The following NRXN3 variants were observed in gnomAD, a reference collection of about 807,000 sequenced individuals.
The protein encoded by NRXN3 is neurexin III.
In NRXN3, 32 loss-of-function variants were observed where a neutral mutation model predicts 137.6. The observed-to-expected ratio is 0.23, with a 90% CI of 0.18 to 0.31. The LOEUF (loss-of-function observed/expected upper bound fraction) is 0.31. Among genes scored for constraint, NRXN3 ranks in the 10% least tolerant of loss-of-function variants. NRXN3 has a pLI of 1.00. For synonymous variants in NRXN3, 798 were observed against 784.5 expected (o/e 1.02, Z -0.29); for missense variants, 1,574 against 2,062.5 (o/e 0.76, Z 4.59).
chr14:79,025,722 T>G (rs2099596949), intron 15 of NRXN3, among the ~76,000 whole-genome samples: 1 of 152,162 alleles, frequency 6.6e-6, no homozygotes, highest in Non-Finnish European at 1.5e-5. Flanking sequence ...TGGATTATTT[T>G]CTTTGGCGAT....
At chr14:78,468,455 G>A (rs1400180097) in intron 4 of NRXN3, among the ~76,000 whole-genome samples, 1 of 152,132 alleles carries the variant, frequency 6.6e-6, no homozygotes, top group East Asian at 1.9e-4. Flanking sequence ...CCTCCAGCAA[G>A]TTAGCAGAGG....
intron 16 of NRXN3, among the ~76,000 whole-genome samples, chr14:79,548,528 A>G (rs900830099): frequency 6.6e-6 from 1 of 152,094 alleles, no homozygotes; most frequent in Non-Finnish European, 1.5e-5. Flanking sequence ...TAGTAGAATG[A>G]TTTATAATCC....
chr14:78,581,728 T>C (rs1456629038), intron 4 of NRXN3, among the ~76,000 whole-genome samples: 1 of 152,230 alleles, frequency 6.6e-6, no homozygotes, highest in Admixed American at 6.5e-5. Context: ...ACTGCAGTGA[T>C]TTTATGTGCA....
At chr14:78,342,689 A>T (rs2082269363) in intron 4 of NRXN3, among the ~76,000 whole-genome samples, 1 of 152,084 alleles carries the variant, frequency 6.6e-6, no homozygotes, top group Non-Finnish European at 1.5e-5. Context: ...TTGAATTCTT[A>T]ATTACTCATT....
At chr14:78,560,869 C>T (rs2096779970) in intron 4 of NRXN3, among the ~76,000 whole-genome samples, 1 of 152,190 alleles carries the variant, frequency 6.6e-6, no homozygotes, top group Non-Finnish European at 1.5e-5. Flanking sequence ...AATAGAATTG[C>T]TTTTAGGTTT....
At chr14:79,399,589 AATAAT>A (rs1471287721) in intron 15 of NRXN3, among the ~76,000 whole-genome samples, 1 of 152,210 alleles carries the variant, frequency 6.6e-6, no homozygotes, top group Admixed American at 6.6e-5. Flanking sequence ...GAGAAAAAAT[AATAAT>A]ATAAGTGAGT....
At chr14:79,692,751 A>G (rs1206065249) in intron 18 of NRXN3, among the ~76,000 whole-genome samples, 3 of 152,024 alleles carry the variant, frequency 2.0e-5, no homozygotes, top group Non-Finnish European at 4.4e-5. Flanking sequence ...AAACTACTTA[A>G]ATATTGTAAG....
rs187121927 is a variant in NRXN3 at position 79,417,326 on chromosome 14, A to G, written c.3263-49895A>G. On this transcript the variant is annotated intron_variant, in intron 15 of 20. Transcript: ENST00000335750. ...TAAGTTTTTATTAATTAAACCTGCC[A>G]CATATTTCTTCCATTTGCTTCATTG... Among the ~76,000 whole-genome samples, 19 of 152,262 alleles carry G rather than the reference A, an allele frequency of 1.2e-4. No homozygotes were observed. The East Asian group carries it at 2.7e-3, about 22-fold the overall frequency.
At chr14:79,328,527 A>T (rs2091237885) in intron 15 of NRXN3, among the ~76,000 whole-genome samples, 1 of 152,234 alleles carries the variant, frequency 6.6e-6, no homozygotes, top group African/African-American at 2.4e-5. Flanking sequence ...AAGTGCCATG[A>T]GAAGTACTTA....
intron 4 of NRXN3, among the ~76,000 whole-genome samples, chr14:78,329,661 A>G (rs1453016033): frequency 6.6e-6 from 1 of 152,170 alleles, no homozygotes; most frequent in Non-Finnish European, 1.5e-5. Context: ...GCATTAGGCC[A>G]AAAAGAAGGG....
intron 15 of NRXN3, among the ~76,000 whole-genome samples, chr14:79,020,780 T>A (rs1190816208): frequency 6.6e-6 from 1 of 151,856 alleles, no homozygotes; most frequent in African/African-American, 2.4e-5. Flanking sequence ...CTAACCACAT[T>A]GTCCATATTG....
chr14:79,220,234 G>T (rs77982877), intron 15 of NRXN3, among the ~76,000 whole-genome samples: 4,184 of 152,230 alleles, frequency 0.027, 140 homozygotes, highest in South Asian at 0.086. Context: ...GAAAACAGAG[G>T]CTTCCTAGGC....
chr14:78,358,052 G>A (rs1238040477), intron 4 of NRXN3, among the ~76,000 whole-genome samples: 1 of 152,176 alleles, frequency 6.6e-6, no homozygotes, highest in African/African-American at 2.4e-5. Flanking sequence ...GAGAATATAG[G>A]ACAGAAAACA....
chr14:78,428,993 C>T (rs1176324369), intron 4 of NRXN3, among the ~76,000 whole-genome samples: 2 of 152,110 alleles, frequency 1.3e-5, no homozygotes, highest in African/African-American at 4.8e-5. Context: ...AATCATCACA[C>T]CAATCTTATC....
At chr14:78,431,489 G>A (rs1372182242) in intron 4 of NRXN3, among the ~76,000 whole-genome samples, 2 of 152,234 alleles carry the variant, frequency 1.3e-5, no homozygotes, top group African/African-American at 4.8e-5. Context: ...TGACATTTTA[G>A]CTCAGTTTTG....
At chr14:78,986,446 C>A (rs186414015) in intron 14 of NRXN3, among the ~76,000 whole-genome samples, 1 of 151,898 alleles carries the variant, frequency 6.6e-6, no homozygotes, top group East Asian at 1.9e-4. Context: ...AAGTGCCAGG[C>A]GGACCGAAAG....
intron 15 of NRXN3, among the ~76,000 whole-genome samples, chr14:79,053,574 T>C (rs368489923): frequency 6.6e-6 from 1 of 152,198 alleles, no homozygotes; most frequent in African/African-American, 2.4e-5. Context: ...AGAGTGTGCG[T>C]GTGTATTTTG....
intron 15 of NRXN3, among the ~76,000 whole-genome samples, chr14:79,286,411 G>T (rs764472077): frequency 1.3e-5 from 2 of 151,630 alleles, no homozygotes; most frequent in African/African-American, 4.8e-5. Context: ...TGTTAAATAG[G>T]CATCAGTTTA....
chr14:79,480,655 C>A (rs2096599274), intron 16 of NRXN3, among the ~76,000 whole-genome samples: 1 of 152,086 alleles, frequency 6.6e-6, no homozygotes, highest in Non-Finnish European at 1.5e-5. Context: ...ATCCAAATGT[C>A]CTGTTCAATT....
Sources: allele counts gnomAD v4.1 joint callset (sites outside exome capture counted in the v4.1 genomes callset), GRCh38; gene constraint gnomAD v4.1.1; transcripts MANE v1.5; gene names NCBI Gene and HGNC (gene_info 2026-07-23, HGNC 2026-07-21).